Variants in NCAPD2 observed in about 807,000 individuals in gnomAD.
NCAPD2 encodes the protein non-SMC condensin I complex subunit D2, also known as condensin complex subunit 1.
In NCAPD2, 100 loss-of-function variants were observed where a neutral mutation model predicts 164.5. The ratio of observed to expected loss-of-function variants is 0.61; its 90% CI spans 0.52 to 0.72. The LOEUF (loss-of-function observed/expected upper bound fraction) is 0.72. NCAPD2 is among the 30% of genes least tolerant of loss of function. NCAPD2 has a pLI of 0.00. For synonymous variants in NCAPD2, 585 were observed against 642.6 expected (o/e 0.91, Z 1.36); for missense variants, 1,560 against 1,749.2 (o/e 0.89, Z 1.93).
In NCAPD2 at chr12:6,531,582, G is replaced by C. The variant is rs571105924; in HGVS notation, c.*170G>C. 7 of 1,379,438 alleles carry C rather than the reference G, an allele frequency of 5.1e-6. No individual in the cohort carries two copies. The East Asian group carries it at 1.8e-4, about 36-fold the overall frequency. The allele number at this position is 1,379,438 out of a possible 1,614,324, so 85.4% of individuals were successfully genotyped here. A position where few individuals can be genotyped will look rare whatever the true frequency, so the allele number is the denominator to read the frequency against. Reference sequence around the variant, plus strand: ...GCACTTTGCGATACCAAGGCGGGTGGATAACCTGAGGTAGGGAGTTCGAGA... The same window carrying C: ...GCACTTTGCGATACCAAGGCGGGTGCATAACCTGAGGTAGGGAGTTCGAGA... On this transcript the variant is annotated 3_prime_UTR_variant, in exon 32 of 32. Coordinates refer to ENST00000315579, the MANE Select transcript of NCAPD2 (RefSeq NM_014865.4). The surrounding 1 kb of genome is among the most constrained non-coding windows in gnomAD (Gnocchi z 4.1).
Position 6,529,840 on chromosome 12 carries a change from T to G in NCAPD2, c.3719T>G (p.Leu1240Arg), listed in dbSNP as rs568168937. ...VSQLPLTERG[L>R]RKMLDNFDCF... is the part of the protein sequence containing the mutation. Reference sequence around the variant, plus strand: ...CAGCTGCCCCTCACAGAGCGAGGCCTCCGTAAGATGCTTGACAATTTTGAC... The same window carrying G: ...CAGCTGCCCCTCACAGAGCGAGGCCGCCGTAAGATGCTTGACAATTTTGAC... Residue 1240 changes from leucine (L) to arginine (R), a missense_variant, in exon 29 of 32, where the codon CTC (leucine) becomes CGC (arginine). Transcript: ENST00000315579. 3 of 1,614,248 alleles carry G rather than the reference T, an allele frequency of 1.9e-6. No individual in the cohort carries two copies. The African/African-American group carries it at 4.0e-5, about 22-fold the overall frequency.
Position 6,517,637 on chromosome 12 carries a change from C to T in NCAPD2, c.1362C>T (p.Thr454=). The change falls in exon 12 of 32, where the codon ACC becomes ACT. Residue 454 remains threonine, a synonymous_variant. Coordinates refer to ENST00000315579, the MANE Select transcript of NCAPD2 (RefSeq NM_014865.4). ...TTGCCGGACCACTGCAGAAGGAGACCCAGAAATTACAAGAGATGAGGGCCC... is the reference window on the plus strand; with the variant it reads ...TTGCCGGACCACTGCAGAAGGAGACTCAGAAATTACAAGAGATGAGGGCCC... The part of the protein sequence containing the change: ...ADLAGPLQKE[T]QKLQEMRAQR... 1 of 1,614,172 alleles carries T rather than the reference C, an allele frequency of 6.2e-7. No homozygotes were observed.
At position 6,517,369 on chromosome 12, in the gene NCAPD2, TC is replaced by T; in HGVS notation, c.1195del (p.Leu399Ter). ...LFTRIVQQKALPLTRFQAVVA... is the reference protein window; with the variant it reads ...LFTRIVQQKAXPLTRFQAVVA... Reference sequence around the variant, plus strand: ...TTCTCTTCCTACCCTACACAGGCTCTCCCCCTGACACGTTTCCAGGCAGTGG... The same window carrying T: ...TTCTCTTCCTACCCTACACAGGCTCTCCCCTGACACGTTTCCAGGCAGTGG... On this transcript the variant is annotated frameshift_variant, in exon 11 of 32. Transcript: ENST00000315579. LOFTEE classifies it high-confidence loss of function. The T allele has an allele frequency of 6.2e-7, 1 of 1,613,866 alleles. No homozygotes were observed. Among genetic ancestry groups the T allele is most frequent in the South Asian group, 1.1e-5 (1 of 91,054 alleles).
At chr12:6,510,317 A>G in intron 4 of NCAPD2, 184 bp downstream of exon 4, 1 of 806,054 alleles carries the variant, frequency 1.2e-6, no homozygotes, top group African/African-American at 1.7e-5. Flanking sequence ...GGTGGGCGAT[A>G]CAGAGTTATG....
chr12:6,494,307 T>A (rs2240869), intron 1 of NCAPD2, among the ~76,000 whole-genome samples, 153 bp downstream of exon 1: 23,317 of 147,854 alleles, frequency 0.16, 2,165 homozygotes, highest in East Asian at 0.31. Context: ...GCAACGGAAG[T>A]TGTTAAGCAA....
rs1321040324 is a variant in NCAPD2 at position 6,527,200 on chromosome 12, TA to T, written c.2907+138del. ...TTCTGCCTCTCTGTGGCTACTACCG[TA>T]GGAAAGGTTCGTGTGAACAATGACG... is the stretch of plus-strand genomic sequence containing the variant. On this transcript the variant is annotated intron_variant, in intron 22 of 31. Transcript: ENST00000315579. 9 of 934,590 alleles carry T rather than the reference TA, an allele frequency of 9.6e-6. No homozygotes were observed. In the African/African-American group the frequency reaches 1.4e-4, roughly 14 times the overall value. The allele number at this position is 934,590 out of a possible 1,614,324, so 57.9% of individuals were successfully genotyped here. A position where few individuals can be genotyped will look rare whatever the true frequency, so the allele number is the denominator to read the frequency against.
Position 6,530,709 on chromosome 12 carries a change from G to A in NCAPD2, c.3856G>A (p.Glu1286Lys), listed in dbSNP as rs1565548507. 1 of 1,614,040 alleles carries A rather than the reference G, an allele frequency of 6.2e-7. No homozygotes were observed. The change falls in exon 30 of 32, where the codon GAG becomes AAG. Residue 1286 changes from glutamate to lysine, a missense_variant. Glu to Lys is a moderately conservative substitution (Grantham distance 56, BLOSUM62 1). Transcript: ENST00000315579. Reference sequence around the variant, plus strand: ...CCTCCAGGCTATAATAGATGAATTTGAGCAGAAGCTTCGGGCCTGTCATAC... The same window carrying A: ...CCTCCAGGCTATAATAGATGAATTTAAGCAGAAGCTTCGGGCCTGTCATAC... ...PEGKAIIDEF[E>K]QKLRACHTRG...
rs112810780 is a variant in NCAPD2, at chr12:6,517,066, C to T, written c.1185+41C>T. ...GTGGCAAAAACATATGGTACCTCTCCATATACCAGTGTAAAGAGGAATCCA... is the reference window on the plus strand; with the variant it reads ...GTGGCAAAAACATATGGTACCTCTCTATATACCAGTGTAAAGAGGAATCCA... On this transcript the variant is annotated intron_variant, in intron 10 of 31. Transcript: ENST00000315579. 4,157 of 1,592,262 alleles carry T rather than the reference C, an allele frequency of 2.6e-3. 116 individuals carry two copies. In the South Asian group the frequency reaches 0.038, roughly 14 times the overall value.
In NCAPD2 at chr12:6,525,628, C is replaced by CGG. The variant is rs749265147; in HGVS notation, c.2260_2261insGG (p.Gln754ArgfsTer28). The CGG allele has an allele frequency of 1.9e-6, 3 of 1,611,628 alleles. No homozygotes were observed. Among genetic ancestry groups the CGG allele is most frequent in the Non-Finnish European group, 1.7e-6 (2 of 1,179,324 alleles). Reference sequence around the variant, plus strand: ...GGATGAGTTGAAACCAGCAGTGACCCAGCTGCTGTGGGAGCGGGCCACCGA... The same window carrying CGG: ...GGATGAGTTGAAACCAGCAGTGACCCGGAGCTGCTGTGGGAGCGGGCCACCGA... On this transcript the variant is annotated frameshift_variant, in exon 18 of 32. Coordinates refer to ENST00000315579, the MANE Select transcript of NCAPD2 (RefSeq NM_014865.4). LOFTEE classifies it high-confidence loss of function.
At position 6,530,732 on chromosome 12, in the gene NCAPD2, T is replaced by C. The variant is rs1269846781; in HGVS notation, c.3879T>C (p.His1293=). 3.7e-6 allele frequency: 6 copies of C among 1,614,200 alleles called. No individual in the cohort carries two copies. Among genetic ancestry groups the C allele is most frequent in the Non-Finnish European group, 5.1e-6 (6 of 1,180,036 alleles). Reference sequence around the variant, plus strand: ...TTGAGCAGAAGCTTCGGGCCTGTCATACCAGAGGTTTGGATGGAATCAAGG... The same window carrying C: ...TTGAGCAGAAGCTTCGGGCCTGTCACACCAGAGGTTTGGATGGAATCAAGG... ...DEFEQKLRAC[H]TRGLDGIKEL... is the part of the protein sequence containing the mutation. Residue 1293 remains histidine (H), a synonymous_variant, in exon 30 of 32, where the codon CAT becomes CAC. Coordinates refer to ENST00000315579, the MANE Select transcript of NCAPD2 (RefSeq NM_014865.4).
chr12:6,515,765 G>A (rs1946192510), intron 9 of NCAPD2, among the ~76,000 whole-genome samples: 1 of 152,208 alleles, frequency 6.6e-6, no homozygotes, highest in Non-Finnish European at 1.5e-5. Context: ...CCTTAACCCT[G>A]CTCTCCACTA....
intron 14 of NCAPD2, 131 bp from the exon 15 acceptor site, chr12:6,521,667 C>A: frequency 8.4e-7 from 1 of 1,183,904 alleles, no homozygotes; most frequent in Non-Finnish European, 1.2e-6. Flanking sequence ...GCCTAGGCAA[C>A]AGAGTGAGAC....
chr12:6,523,398 G>GTGT, intron 17 of NCAPD2, 52 bp downstream of exon 17: 1 of 871,554 alleles, frequency 1.1e-6, no homozygotes, highest in Non-Finnish European at 1.7e-6. Context: ...TATTTTGGTT[G>GTGT]TTTTTTTTTT....
At chr12:6,518,506 T>TTTTTTTTTG (rs1565544099) in intron 13 of NCAPD2, among the ~76,000 whole-genome samples, 16 of 86,356 alleles carry the variant, frequency 1.9e-4, no homozygotes, top group Non-Finnish European at 3.2e-4. Context: ...GTCAACAAGT[T>TTTTTTTTTG]TTTTTTTTTT....
rs748909515 is a variant in NCAPD2 at position 6,510,743 on chromosome 12, G to T, written c.377G>T (p.Arg126Leu). The T allele has an allele frequency of 6.2e-7, 1 of 1,614,134 alleles. No homozygotes were observed. ...AAAATGAACTGTTATGCTCTGATACGTCTCCTGGAATCCTTTGAGACCATG... is the reference window on the plus strand; with the variant it reads ...AAAATGAACTGTTATGCTCTGATACTTCTCCTGGAATCCTTTGAGACCATG... ...ALKMNCYALI[R>L]LLESFETMAS... is the part of the protein sequence containing the mutation. Residue 126 changes from arginine (R) to leucine (L), a missense_variant, in exon 5 of 32, where the codon CGT becomes CTT. By Grantham distance (102) the Arg-to-Leu change is moderately radical. Transcript: ENST00000315579.
chr12:6,528,788 C>CCA lies in NCAPD2; in HGVS notation c.3409_3410insCA (p.Leu1137ProfsTer55). 2 of 1,614,164 alleles carry CCA rather than the reference C, an allele frequency of 1.2e-6. No individual in the cohort carries two copies. Among genetic ancestry groups the CCA allele is most frequent in the Non-Finnish European group, 1.7e-6 (2 of 1,180,032 alleles). On this transcript the variant is annotated frameshift_variant, in exon 26 of 32. Transcript: ENST00000315579. LOFTEE classifies it high-confidence loss of function. This position sits in a 1 kb window ranked among gnomAD's most constrained non-coding sequence, Gnocchi z 5.1. Reference sequence around the variant, plus strand: ...GGGGCAGGTCAGCGAGATGGCGGTGCTGCTCATCGACCCCGAGCCTCAGAT... The same window carrying CCA: ...GGGGCAGGTCAGCGAGATGGCGGTGCCATGCTCATCGACCCCGAGCCTCAGAT...
chr12:6,529,357 C>T, intron 27 of NCAPD2, 156 bp from the exon 28 acceptor site: 1 of 702,064 alleles, frequency 1.4e-6, no homozygotes, highest in Non-Finnish European at 2.4e-6. Context: ...TCCCTCTCTG[C>T]TGAATGGGAC....
intron 2 of NCAPD2, among the ~76,000 whole-genome samples, chr12:6,505,907 G>A (rs945650348): frequency 3.3e-5 from 5 of 151,852 alleles, no homozygotes; most frequent in African/African-American, 9.7e-5. Context: ...ATTTATTTCC[G>A]TTTCTCTTGG....
At position 6,529,199 on chromosome 12, in the gene NCAPD2, A is replaced by C. The variant is rs761665114; in HGVS notation, c.3572+160A>C. On this transcript the variant is annotated intron_variant, in intron 27 of 31. Coordinates refer to ENST00000315579, the MANE Select transcript of NCAPD2 (RefSeq NM_014865.4). ...CCTATTTCCTCTTCTTTTGAGGCTG[A>C]TGATACTTAACCCTTAGTTCTTGAA... 4 of 658,036 alleles carry C rather than the reference A, an allele frequency of 6.1e-6. No homozygotes were observed. In the African/African-American group the frequency reaches 7.3e-5, roughly 12 times the overall value. The allele number at this position is 658,036 out of a possible 1,614,324, so 40.8% of individuals were successfully genotyped here. A position where few individuals can be genotyped will look rare whatever the true frequency, so the allele number is the denominator to read the frequency against.
Sources: gnomAD v4.1 joint callset for allele counts (sites outside exome capture counted in the v4.1 genomes callset) on GRCh38, gnomAD v4.1.1 for gene constraint, Gnocchi (gnomAD v3.1) non-coding constraint, MANE v1.5 for transcripts, NCBI Gene and HGNC (gene_info 2026-07-23, HGNC 2026-07-21) for gene names.